The following SMPX variants were observed in gnomAD, a reference collection of about 807,000 sequenced individuals.
SMPX encodes the protein small muscle protein X-linked.
A neutral mutation model predicts 6.3 loss-of-function variants in SMPX; 2 were observed. That is an observed-to-expected ratio of 0.32 (90% CI 0.13 to 0.99). The LOEUF is 0.99. Among genes scored for constraint, SMPX ranks in the 50% least tolerant of loss-of-function variants. The pLI, the probability that SMPX is intolerant of heterozygous loss-of-function variation, is 0.49. For synonymous variants in SMPX, 32 were observed against 24.7 expected, an observed-to-expected ratio of 1.30 and a Z score of -0.88; for missense variants, 60 against 66.8, an observed-to-expected ratio of 0.90 and a Z score of 0.36.
At chrX:21,721,930 A>T (rs905548867) in intron 4 of SMPX, among the ~76,000 whole-genome samples, 2 of 111,365 alleles carry the variant, frequency 1.8e-5, no homozygotes, top group Non-Finnish European at 3.8e-5. Context: ...GGGAGGCTGA[A>T]GCAGGAGGAT....
intron 3 of SMPX, among the ~76,000 whole-genome samples, chrX:21,738,051 A>G (rs1478625627): frequency 1.8e-5 from 2 of 112,651 alleles, no homozygotes; most frequent in Non-Finnish European, 3.7e-5. Flanking sequence ...GTAATCATAC[A>G]ATTATAATAT....
At chrX:21,742,834 T>C (rs765287087) in intron 3 of SMPX, among the ~76,000 whole-genome samples, 2 of 112,642 alleles carry the variant, frequency 1.8e-5, no homozygotes, top group South Asian at 7.3e-4. Context: ...ACCAAAAATG[T>C]CACTTGGTAA....
chrX:21,755,636 A>G (rs2092832063), intron 1 of SMPX, among the ~76,000 whole-genome samples: 1 of 112,385 alleles, frequency 8.9e-6, no homozygotes, highest in African/African-American at 3.2e-5. Context: ...AAAAGATCTG[A>G]AAAGAACTCT....
chrX:21,731,668 G>GTGTACACATTAATGTGTACA (rs2092804868), intron 4 of SMPX, among the ~76,000 whole-genome samples: 2 of 94,898 alleles, frequency 2.1e-5, no homozygotes, highest in East Asian at 7.1e-4. Flanking sequence ...GTATGTGTAT[G>GTGTACACATTAATGTGTACA]TGTACACATT....
intron 3 of SMPX, among the ~76,000 whole-genome samples, chrX:21,738,384 G>A (rs1325377972): frequency 9.0e-6 from 1 of 110,814 alleles, no homozygotes; most frequent in Non-Finnish European, 1.9e-5. Context: ...ATGCCTCTAT[G>A]TACATACACC....
rs1218833982 is a variant in SMPX, at chrX:21,737,653, T to C, written c.177A>G (p.Gly59=). The change falls in exon 4 of 5, where the codon GGA becomes GGG. Residue 59 remains glycine (G), a synonymous_variant. Coordinates refer to ENST00000379494, the MANE Select transcript of SMPX (RefSeq NM_014332.3). Reference sequence around the variant, plus strand: ...CTGCAGGTCCTGGAAGTTTCTTCGCTCCTGGAATTGGCTTCTTCTCCTCAT... The same window carrying C: ...CTGCAGGTCCTGGAAGTTTCTTCGCCCCTGGAATTGGCTTCTTCTCCTCAT... ...TSDEEKKPIP[G]AKKLPGPAVN... The C allele has an allele frequency of 1.7e-6, 2 of 1,210,067 alleles. No individual in the cohort carries two copies. The highest frequency in any genetic ancestry group is 2.2e-6 in the Non-Finnish European group (2 of 893,720).
intron 4 of SMPX, among the ~76,000 whole-genome samples, chrX:21,731,830 T>TTA (rs59393701): frequency 0.13 from 13,345 of 98,911 alleles, 1,413 homozygotes; most frequent in African/African-American, 0.33. Context: ...TATATACACA[T>TTA]TATATATATA....
intron 3 of SMPX, among the ~76,000 whole-genome samples, chrX:21,742,422 G>C (rs965912897): frequency 3.6e-5 from 4 of 112,064 alleles, no homozygotes; most frequent in African/African-American, 1.3e-4. Context: ...ACCCTCTGAG[G>C]AATGGAGGTG....
At chrX:21,743,276 C>G (rs1273213665) in intron 3 of SMPX, among the ~76,000 whole-genome samples, 2 of 111,823 alleles carry the variant, frequency 1.8e-5, no homozygotes, top group Non-Finnish European at 3.8e-5. Flanking sequence ...TTTCTGCATT[C>G]TCACTTATCA....
intron 4 of SMPX, among the ~76,000 whole-genome samples, chrX:21,711,033 T>A (rs1263472289): frequency 8.9e-6 from 1 of 111,786 alleles, no homozygotes; most frequent in Non-Finnish European, 1.9e-5. Context: ...AGGCCCAACA[T>A]GCCTGGAAAC....
chrX:21,731,426 TA>T (rs1358096481), intron 4 of SMPX, among the ~76,000 whole-genome samples: 6 of 71,265 alleles, frequency 8.4e-5, no homozygotes, highest in South Asian at 7.0e-4. Context: ...TATACACACA[TA>T]TATGTGTGTA....
At chrX:21,718,777 G>A (rs150769703) in intron 4 of SMPX, among the ~76,000 whole-genome samples, 2 of 112,235 alleles carry the variant, frequency 1.8e-5, no homozygotes, top group Non-Finnish European at 3.8e-5. Flanking sequence ...GGGCAGAGGA[G>A]TGGGCCCCAT....
intron 3 of SMPX, 52 bp downstream of exon 3, chrX:21,743,698 G>T: frequency 9.3e-7 from 1 of 1,069,622 alleles, no homozygotes; most frequent in Non-Finnish European, 1.3e-6. Flanking sequence ...CTCTGGTGAG[G>T]ATTTTAGAAG....
intron 4 of SMPX, among the ~76,000 whole-genome samples, chrX:21,715,479 G>T (rs1365016253): frequency 9.0e-6 from 1 of 111,167 alleles, no homozygotes; most frequent in East Asian, 2.8e-4. Context: ...AATTTGTAAA[G>T]CTCCCCAGGT....
At position 21,710,837 on chromosome X, in the gene SMPX, G is replaced by C. The variant is rs769438706; in HGVS notation, c.*15-4443C>G. Among the ~76,000 whole-genome samples, 3 of 111,450 alleles carry C rather than the reference G, an allele frequency of 2.7e-5. No individual in the cohort carries two copies. In the South Asian group the frequency reaches 1.1e-3, roughly 42 times the overall value. On this transcript the variant is annotated intron_variant, in intron 4 of 4. Transcript: ENST00000379494. ...AGTACCAGTTTTGAGCACCTACTAC[G>C]TGCCAGGAACTCCACCAACTGATTA...
At chrX:21,706,815 A>T (rs986956229) in intron 4 of SMPX, among the ~76,000 whole-genome samples, 1 of 109,790 alleles carries the variant, frequency 9.1e-6, no homozygotes, top group Non-Finnish European at 1.9e-5. Context: ...AGATCTCATG[A>T]TTTTATAATG....
chrX:21,743,565 C>T (rs1328580056), intron 3 of SMPX, among the ~76,000 whole-genome samples, 185 bp downstream of exon 3: 6 of 111,871 alleles, frequency 5.4e-5, no homozygotes, highest in Non-Finnish European at 1.1e-4. Context: ...GAAGGCAGTG[C>T]GTTTCAGGGC....
chrX:21,743,625 G>A (rs1408269208), intron 3 of SMPX, 125 bp downstream of exon 3: 1 of 554,801 alleles, frequency 1.8e-6, no homozygotes, highest in African/African-American at 2.3e-5. Context: ...GTTATTCCTT[G>A]ACACACAGCC....
intron 4 of SMPX, among the ~76,000 whole-genome samples, chrX:21,721,776 G>A (rs767139083): frequency 1.8e-5 from 2 of 112,363 alleles, no homozygotes; most frequent in African/African-American, 6.5e-5. Context: ...GAATACAAAC[G>A]ATGGTTCTCA....
Sources: allele counts gnomAD v4.1 joint callset (sites outside exome capture counted in the v4.1 genomes callset), GRCh38; gene constraint gnomAD v4.1.1; transcripts MANE v1.5; gene names NCBI Gene and HGNC (gene_info 2026-07-23, HGNC 2026-07-21).